The following BMPR2 variants were observed in gnomAD, a reference collection of about 807,000 sequenced individuals.
The protein encoded by BMPR2 is bone morphogenetic protein receptor type 2, also known as bone morphogenetic protein receptor type-2.
A neutral mutation model predicts 100.8 loss-of-function variants in BMPR2; 29 were observed. The ratio of observed to expected loss-of-function variants is 0.29; its 90% CI spans 0.21 to 0.39. The LOEUF (loss-of-function observed/expected upper bound fraction) is 0.39. BMPR2 is among the 10% of genes least tolerant of loss of function. BMPR2 has a pLI of 1.00. For synonymous variants in BMPR2, 382 were observed against 442.3 expected, an observed-to-expected ratio of 0.86 and a Z score of 1.71; for missense variants, 1,011 against 1,274.5, an observed-to-expected ratio of 0.79 and a Z score of 3.15.
At chr2:202,384,528 T>TTCTC (rs370667963) in intron 1 of BMPR2, among the ~76,000 whole-genome samples, 6 of 96,754 alleles carry the variant, frequency 6.2e-5, no homozygotes, top group Non-Finnish European at 8.7e-5. Context: ...CTTTCTTTCT[T>TTCTC]TCTCTTTCTT....
At chr2:202,487,838 T>G (rs1044746750) in intron 3 of BMPR2, among the ~76,000 whole-genome samples, 2 of 152,174 alleles carry the variant, frequency 1.3e-5, no homozygotes, top group African/African-American at 4.8e-5. Flanking sequence ...ACCCTCAAGA[T>G]TTTTTTACTA....
chr2:202,406,824 T>C lies in BMPR2; in HGVS notation c.76+29274T>C, dbSNP rs563187241. Among the ~76,000 whole-genome samples the C allele has an allele frequency of 2.0e-5, 3 of 152,338 alleles. No individual in the cohort carries two copies. In the South Asian group the frequency reaches 6.2e-4, roughly 32 times the overall value. ...CTATGCAAGGATGGCAAGAATGGCG[T>C]AATAAACTTAAAGCTGTAGTAATGC... On this transcript the variant is annotated intron_variant, in intron 1 of 12. Coordinates refer to ENST00000374580, the MANE Select transcript of BMPR2 (RefSeq NM_001204.7).
At chr2:202,528,319 C>T (rs1269692347) in intron 7 of BMPR2, among the ~76,000 whole-genome samples, 1 of 152,184 alleles carries the variant, frequency 6.6e-6, no homozygotes, top group Admixed American at 6.5e-5. Context: ...TCCAGAGTAG[C>T]TGGGACTACA....
chr2:202,524,126 G>A (rs1398592587), intron 7 of BMPR2, among the ~76,000 whole-genome samples: 3 of 152,120 alleles, frequency 2.0e-5, no homozygotes, highest in East Asian at 1.9e-4. Flanking sequence ...ACTTTGGGGG[G>A]CTGAGGCAGG....
intron 1 of BMPR2, among the ~76,000 whole-genome samples, chr2:202,435,072 T>G (rs1490588516): frequency 8.9e-5 from 13 of 146,004 alleles, no homozygotes; most frequent in Admixed American, 8.8e-4. Flanking sequence ...AAAAATAAGC[T>G]GGATAGGCTG....
chr2:202,492,825 A>G (rs530946367), intron 3 of BMPR2, among the ~76,000 whole-genome samples: 1 of 152,126 alleles, frequency 6.6e-6, no homozygotes, highest in Admixed American at 6.6e-5. Context: ...GGGGAAAAAA[A>G]GTTATTTGTT....
chr2:202,449,903 C>T (rs955761134), intron 1 of BMPR2, among the ~76,000 whole-genome samples: 2 of 151,838 alleles, frequency 1.3e-5, no homozygotes, highest in African/African-American at 2.4e-5. Flanking sequence ...GTCAGGAGTT[C>T]GAGACCAGTC....
At chr2:202,433,662 C>T (rs1321404208) in intron 1 of BMPR2, among the ~76,000 whole-genome samples, 1 of 150,516 alleles carries the variant, frequency 6.6e-6, no homozygotes, top group East Asian at 1.9e-4. Context: ...GTAATCCCAG[C>T]ACTTTGGGAG....
At chr2:202,454,599 A>C (rs2105950433) in intron 1 of BMPR2, among the ~76,000 whole-genome samples, 1 of 152,288 alleles carries the variant, frequency 6.6e-6, no homozygotes, top group Middle Eastern at 3.4e-3. Flanking sequence ...ACTCATTTAT[A>C]GTACTTGCTC....
chr2:202,419,978 G>T (rs6732066), intron 1 of BMPR2, among the ~76,000 whole-genome samples: 1 of 151,776 alleles, frequency 6.6e-6, no homozygotes, highest in African/African-American at 2.4e-5. Context: ...GTGAGACCTC[G>T]TATCTATTTT....
intron 1 of BMPR2, among the ~76,000 whole-genome samples, chr2:202,452,361 C>T (rs1692007799): frequency 6.6e-6 from 1 of 152,104 alleles, no homozygotes; most frequent in South Asian, 2.1e-4. Flanking sequence ...ATGGATGTAT[C>T]ACATTTTGTT....
intron 1 of BMPR2, among the ~76,000 whole-genome samples, chr2:202,421,521 A>G (rs1457057518): frequency 6.8e-6 from 1 of 147,132 alleles, no homozygotes; most frequent in Non-Finnish European, 1.5e-5. Flanking sequence ...TGCTTGGCAG[A>G]GAGGAATTTT....
rs201365373 is a variant in BMPR2 at position 202,544,421 on chromosome 2, A to G, written c.1413+1974A>G. 1.3e-4 allele frequency among the ~76,000 whole-genome samples: 20 copies of G among 152,258 alleles called. No individual in the cohort carries two copies. In the East Asian group the frequency reaches 3.9e-3, roughly 29 times the overall value. On this transcript the variant is annotated intron_variant, in intron 10 of 12. Coordinates refer to ENST00000374580, the MANE Select transcript of BMPR2 (RefSeq NM_001204.7). Reference sequence around the variant, plus strand: ...AATAATCTGGCTGGATAATAGTTTCAATATCATAATTATTTTCTTCACAAC... The same window carrying G: ...AATAATCTGGCTGGATAATAGTTTCGATATCATAATTATTTTCTTCACAAC...
At chr2:202,404,627 A>T (rs937648758) in intron 1 of BMPR2, among the ~76,000 whole-genome samples, 5 of 152,158 alleles carry the variant, frequency 3.3e-5, no homozygotes, top group African/African-American at 1.2e-4. Context: ...AGATAAATAT[A>T]TTTCCTTTTG....
chr2:202,461,580 TGAAAAG>T (rs1190778180), intron 1 of BMPR2, among the ~76,000 whole-genome samples: 1 of 152,186 alleles, frequency 6.6e-6, no homozygotes, highest in Non-Finnish European at 1.5e-5. Flanking sequence ...CCTAGGTTGT[TGAAAAG>T]GAACTAAAAT....
chr2:202,559,620 TTTCTTGAG>T lies in BMPR2; in HGVS notation c.2867-73_2867-66del, dbSNP rs1382534279. 5.3e-6 allele frequency: 8 copies of T among 1,511,080 alleles called. No individual in the cohort carries two copies. The Admixed American group carries it at 1.3e-4, about 24-fold the overall frequency. 93.6% of individuals were successfully genotyped at this position (1,511,080 alleles called of 1,614,324 possible). On this transcript the variant is annotated intron_variant, in intron 12 of 12. Coordinates refer to ENST00000374580, the MANE Select transcript of BMPR2 (RefSeq NM_001204.7). The stretch of plus-strand genomic sequence containing the variant: ...CCCTCCTGAGACATTGGTTTGACCT[TTTCTTGAG>T]TTACATCCCTTACCCGTTATTTCTT...
intron 10 of BMPR2, among the ~76,000 whole-genome samples, chr2:202,543,862 C>G (rs1156927808): frequency 6.6e-6 from 1 of 152,086 alleles, no homozygotes; most frequent in Non-Finnish European, 1.5e-5. Context: ...AATAAAAATT[C>G]TACATTAGTT....
intron 3 of BMPR2, among the ~76,000 whole-genome samples, chr2:202,506,323 AT>A (rs1474733915): frequency 4.0e-5 from 6 of 151,890 alleles, no homozygotes; most frequent in Non-Finnish European, 5.9e-5. Flanking sequence ...AGCCCAGCTA[AT>A]TTTTTGTATT....
At chr2:202,559,075 A>G (rs1233955985) in intron 12 of BMPR2, among the ~76,000 whole-genome samples, 2 of 152,034 alleles carry the variant, frequency 1.3e-5, no homozygotes, top group East Asian at 3.9e-4. Flanking sequence ...TGAGTCGGGC[A>G]CATTGCCTGA....
Sources: allele counts gnomAD v4.1 joint callset (sites outside exome capture counted in the v4.1 genomes callset), GRCh38; gene constraint gnomAD v4.1.1; transcripts MANE v1.5; gene names NCBI Gene and HGNC (gene_info 2026-07-23, HGNC 2026-07-21).